SLIT2: variants seen among roughly 807,000 people sequenced by gnomAD.
The protein encoded by SLIT2 is slit homolog 2 protein.
Under a neutral mutation model 185.7 loss-of-function variants are expected in SLIT2, and 41 were observed. The ratio of observed to expected loss-of-function variants is 0.22; its 90% CI spans 0.17 to 0.29. The LOEUF is 0.29. Among genes scored for constraint, SLIT2 ranks in the 10% least tolerant of loss-of-function variants. SLIT2 has a pLI of 1.00. For synonymous variants in SLIT2, 693 were observed against 680.2 expected, an observed-to-expected ratio of 1.02 and a Z score of -0.29; for missense variants, 1,571 against 1,909.0, an observed-to-expected ratio of 0.82 and a Z score of 3.30.
chr4:20,550,406 T>C (rs1036844373), intron 24 of SLIT2, among the ~76,000 whole-genome samples: 5 of 151,898 alleles, frequency 3.3e-5, no homozygotes, highest in African/African-American at 4.8e-5. Flanking sequence ...TCCTTATATC[T>C]TATATAAGTT....
intron 4 of SLIT2, among the ~76,000 whole-genome samples, chr4:20,368,683 G>C (rs6825607): frequency 0.014 from 2,085 of 152,192 alleles, 42 homozygotes; most frequent in African/African-American, 0.048. Context: ...GTGAGAATTT[G>C]AAAAAGTAAA....
At chr4:20,352,828 G>T (rs914235266) in intron 4 of SLIT2, among the ~76,000 whole-genome samples, 2 of 152,084 alleles carry the variant, frequency 1.3e-5, no homozygotes, top group African/African-American at 2.4e-5. Flanking sequence ...TGGGAGAATC[G>T]CTTGAACCTG....
intron 4 of SLIT2, among the ~76,000 whole-genome samples, chr4:20,389,358 A>G (rs1475939116): frequency 6.6e-6 from 1 of 152,064 alleles, no homozygotes; most frequent in Non-Finnish European, 1.5e-5. Flanking sequence ...GAACTTGCAG[A>G]TATCCAGGAA....
At chr4:20,417,436 G>GTATATATATA (rs367855245) in intron 4 of SLIT2, among the ~76,000 whole-genome samples, 91 of 123,676 alleles carry the variant, frequency 7.4e-4, no homozygotes, top group East Asian at 3.6e-3. Context: ...ATGTGTGTGT[G>GTATATATATA]TATATATATA....
At chr4:20,308,099 A>G (rs374239016) in intron 4 of SLIT2, among the ~76,000 whole-genome samples, 2 of 152,332 alleles carry the variant, frequency 1.3e-5, no homozygotes, top group East Asian at 1.9e-4. Context: ...AGGGACCATT[A>G]CCTGTGCCTG....
chr4:20,599,240 T>C (rs908840271), intron 33 of SLIT2, among the ~76,000 whole-genome samples: 2 of 152,174 alleles, frequency 1.3e-5, no homozygotes, highest in African/African-American at 4.8e-5. Flanking sequence ...GTGGTATTCG[T>C]GGGGTATAAT....
At chr4:20,466,144 T>C (rs1033111) in intron 4 of SLIT2, among the ~76,000 whole-genome samples, 82,259 of 151,960 alleles carry the variant, frequency 0.54, 22,704 homozygotes, top group Admixed American at 0.67. Flanking sequence ...TTTTGTGTCT[T>C]CTATCTCTCT....
chr4:20,487,767 C>T (rs1717386583), intron 7 of SLIT2, among the ~76,000 whole-genome samples: 1 of 152,168 alleles, frequency 6.6e-6, no homozygotes, highest in Non-Finnish European at 1.5e-5. Context: ...AAGGAGAATG[C>T]AAAGCAGCCA....
intron 26 of SLIT2, among the ~76,000 whole-genome samples, chr4:20,557,762 A>T (rs1254045744): frequency 1.3e-5 from 2 of 152,116 alleles, no homozygotes; most frequent in Admixed American, 1.3e-4. Context: ...TAGTAAATTG[A>T]AATCCTTCTG....
At chr4:20,464,786 A>G (rs1401715067) in intron 4 of SLIT2, among the ~76,000 whole-genome samples, 2 of 152,136 alleles carry the variant, frequency 1.3e-5, no homozygotes, top group Non-Finnish European at 2.9e-5. Flanking sequence ...ACACATTCAC[A>G]TAATCTTTTT....
intron 4 of SLIT2, among the ~76,000 whole-genome samples, chr4:20,415,140 G>A (rs957549354): frequency 8.5e-5 from 13 of 152,212 alleles, no homozygotes; most frequent in Middle Eastern, 3.4e-3. Flanking sequence ...GGCTGTGCGC[G>A]GTGGCCCGCG....
At chr4:20,463,567 T>TC (rs1218525206) in intron 4 of SLIT2, among the ~76,000 whole-genome samples, 2 of 144,480 alleles carry the variant, frequency 1.4e-5, no homozygotes, top group East Asian at 4.0e-4. Context: ...CTCACATCTC[T>TC]CCAACTAGAT....
At chr4:20,564,097 G>T (rs1385885956) in intron 26 of SLIT2, among the ~76,000 whole-genome samples, 1 of 151,638 alleles carries the variant, frequency 6.6e-6, no homozygotes, top group Non-Finnish European at 1.5e-5. Context: ...GACTTTATTT[G>T]GCATCTCTTT....
intron 30 of SLIT2, among the ~76,000 whole-genome samples, chr4:20,591,871 G>GCA (rs1727546056): frequency 6.6e-6 from 1 of 151,982 alleles, no homozygotes; most frequent in African/African-American, 2.4e-5. Flanking sequence ...GAGTTTGTCT[G>GCA]CAAAAAGACT....
chr4:20,518,565 A>G (rs1481531081), intron 11 of SLIT2, among the ~76,000 whole-genome samples: 457 of 11,334 alleles, frequency 0.04, 37 homozygotes, highest in African/African-American at 0.08. Flanking sequence ...ATGTATATAT[A>G]TATATATATA....
At chr4:20,411,968 A>G (rs1293754201) in intron 4 of SLIT2, among the ~76,000 whole-genome samples, 1 of 152,166 alleles carries the variant, frequency 6.6e-6, no homozygotes, top group African/African-American at 2.4e-5. Flanking sequence ...GTTGTGAGGA[A>G]CCATCATTAA....
rs183248409 is a variant in SLIT2 at position 20,337,482 on chromosome 4, A to T, written c.395+68601A>T. On this transcript the variant is annotated intron_variant, in intron 4 of 36. Transcript: ENST00000504154. Reference sequence around the variant, plus strand: ...CATAAAGACCTGCCCCCATGATTCAATTACCTCCCACAACATGTGGGAATT... The same window carrying T: ...CATAAAGACCTGCCCCCATGATTCATTTACCTCCCACAACATGTGGGAATT... Among the ~76,000 whole-genome samples the T allele has an allele frequency of 6.6e-5, 10 of 152,236 alleles. No homozygotes were observed. The South Asian group carries it at 1.9e-3, about 28-fold the overall frequency.
intron 4 of SLIT2, among the ~76,000 whole-genome samples, chr4:20,323,207 ATTGTAACC>A (rs1369974705): frequency 6.6e-6 from 1 of 152,100 alleles, no homozygotes; most frequent in Admixed American, 6.6e-5. Context: ...TAAAAAATGT[ATTGTAACC>A]TTGGATATGC....
At chr4:20,433,242 G>A (rs150464194) in intron 4 of SLIT2, among the ~76,000 whole-genome samples, 144 of 152,288 alleles carry the variant, frequency 9.5e-4, no homozygotes, top group African/African-American at 3.3e-3. Context: ...GGAAACAGTC[G>A]GCATTTCTGC....
Sources: allele counts gnomAD v4.1 joint callset (sites outside exome capture counted in the v4.1 genomes callset), GRCh38; gene constraint gnomAD v4.1.1; transcripts MANE v1.5; gene names NCBI Gene and HGNC (gene_info 2026-07-23, HGNC 2026-07-21).